Variants in DHX40 observed in about 807,000 individuals in gnomAD.
The protein encoded by DHX40 is probable ATP-dependent RNA helicase DHX40.
A neutral mutation model predicts 89.6 loss-of-function variants in DHX40; 28 were observed. That is an observed-to-expected ratio of 0.31 (90% confidence interval 0.23 to 0.43). The LOEUF is 0.43. Among genes scored for constraint, DHX40 ranks in the 20% least tolerant of loss-of-function variants. The pLI is 1.00. For synonymous variants in DHX40, 226 were observed against 283.6 expected (o/e 0.80, Z 2.04); for missense variants, 457 against 844.0 (o/e 0.54, Z 5.68).
intron 15 of DHX40, 23 bp downstream of exon 15, chr17:59,602,639 A>G: frequency 6.4e-7 from 1 of 1,571,408 alleles, no homozygotes; most frequent in Non-Finnish European, 8.8e-7. Flanking sequence ...GACTTGAGAG[A>G]TGGATCAAGA....
chr17:59,566,808 G>C lies in DHX40; in HGVS notation c.280+14G>C. The C allele has an allele frequency of 6.4e-7, 1 of 1,554,026 alleles. No homozygotes were observed. Among genetic ancestry groups the C allele is most frequent in the Non-Finnish European group, 8.6e-7 (1 of 1,158,338 alleles). On this transcript the variant is annotated intron_variant, in intron 2 of 17. Transcript: ENST00000251241. Reference sequence around the variant, plus strand: ...TATATGAAGCAGGTGATTTTTTTCTGTTGTAATAATTGGAAATATTTTAAA... The same window carrying C: ...TATATGAAGCAGGTGATTTTTTTCTCTTGTAATAATTGGAAATATTTTAAA...
At chr17:59,575,313 G>T in intron 6 of DHX40, 27 bp from the exon 7 acceptor site, 2 of 1,514,976 alleles carry the variant, frequency 1.3e-6, no homozygotes, top group South Asian at 1.3e-5. Context: ...TTCAGTTGCT[G>T]AAGTTATTTT....
chr17:59,602,849 C>T lies in DHX40; in HGVS notation c.1901+233C>T, dbSNP rs555692562. 1.8e-4 allele frequency among the ~76,000 whole-genome samples: 28 copies of T among 152,232 alleles called. 1 individual carries two copies. In the East Asian group the frequency reaches 5.4e-3, roughly 29 times the overall value. ...GTATGTTTGTAGGGTGGCTGTCCAGCATGGGTTATCTTCACTTAAGGCAAG... is the reference window on the plus strand; with the variant it reads ...GTATGTTTGTAGGGTGGCTGTCCAGTATGGGTTATCTTCACTTAAGGCAAG... On this transcript the variant is annotated intron_variant, in intron 15 of 17. Transcript: ENST00000251241.
intron 3 of DHX40, among the ~76,000 whole-genome samples, 197 bp downstream of exon 3, chr17:59,570,860 T>C (rs1359666605): frequency 1.3e-5 from 2 of 152,152 alleles, no homozygotes; most frequent in Non-Finnish European, 2.9e-5. Flanking sequence ...TGTTATAAAC[T>C]TAACAGAAAG....
intron 12 of DHX40, among the ~76,000 whole-genome samples, chr17:59,588,705 A>G (rs1439004180): frequency 2.6e-5 from 4 of 151,838 alleles, no homozygotes; most frequent in Non-Finnish European, 5.9e-5. Context: ...TTTTGTAAAT[A>G]TTTTCTCCCA....
At chr17:59,571,898 C>T (rs2048814976) in intron 3 of DHX40, among the ~76,000 whole-genome samples, 1 of 152,108 alleles carries the variant, frequency 6.6e-6, no homozygotes, top group African/African-American at 2.4e-5. Context: ...TCTGTCTCTA[C>T]AAATTTGCCT....
Position 59,587,945 on chromosome 17 carries a change from C to T in DHX40, c.1474C>T (p.Pro492Ser). Residue 492 changes from proline (P) to serine (S), a missense_variant, in exon 12 of 18, where the codon CCT becomes TCT. Pro to Ser is a moderately conservative substitution (Grantham distance 74). This residue lies in a region of DHX40 where 19 missense variants were observed against 110.3 expected (regional missense o/e 0.17). Transcript: ENST00000251241. The part of the protein sequence containing the change: ...LGLSMVEFPL[P>S]PHLTCAVIKA... ...TTTGTCTATGGTGGAGTTTCCTTTG[C>T]CTCCACATCTGACATGTGCAGTAAT... is the stretch of plus-strand genomic sequence containing the variant. The T allele has an allele frequency of 3.7e-6, 6 of 1,613,718 alleles. No homozygotes were observed. Among genetic ancestry groups the T allele is most frequent in the Non-Finnish European group, 4.2e-6 (5 of 1,179,796 alleles).
At chr17:59,567,945 A>AT (rs1224735651) in intron 2 of DHX40, among the ~76,000 whole-genome samples, 6 of 150,630 alleles carry the variant, frequency 4.0e-5, no homozygotes, top group African/African-American at 7.3e-5. Flanking sequence ...AAAAAAAAAA[A>AT]TTTTTTAGGC....
intron 14 of DHX40, among the ~76,000 whole-genome samples, chr17:59,600,825 C>G (rs1598176959): frequency 2.0e-5 from 3 of 148,510 alleles, no homozygotes; most frequent in Non-Finnish European, 3.0e-5. Flanking sequence ...GCCTGGGCAA[C>G]AGAGCAGCAG....
chr17:59,569,060 G>A (rs2048749305), intron 2 of DHX40, among the ~76,000 whole-genome samples: 1 of 152,048 alleles, frequency 6.6e-6, no homozygotes, highest in Admixed American at 6.6e-5. Flanking sequence ...TGGGTGCAGT[G>A]GCTCATGCCT....
intron 7 of DHX40, among the ~76,000 whole-genome samples, chr17:59,576,662 T>A (rs1302580375): frequency 1.3e-5 from 2 of 152,204 alleles, no homozygotes; most frequent in Non-Finnish European, 2.9e-5. Flanking sequence ...GATCATTGTT[T>A]AAGGTTCTCA....
At chr17:59,586,912 G>C (rs2049006217) in intron 11 of DHX40, among the ~76,000 whole-genome samples, 1 of 152,010 alleles carries the variant, frequency 6.6e-6, no homozygotes, top group African/African-American at 2.4e-5. Flanking sequence ...CCAGCACTTT[G>C]GGAGGCCAAG....
At chr17:59,588,828 G>T (rs906083445) in intron 12 of DHX40, among the ~76,000 whole-genome samples, 20 of 151,988 alleles carry the variant, frequency 1.3e-4, no homozygotes, top group Non-Finnish European at 2.4e-4. Flanking sequence ...TGTCTTTATT[G>T]TTGTATCTAA....
At chr17:59,591,681 A>G (rs1456113274) in intron 12 of DHX40, among the ~76,000 whole-genome samples, 1 of 151,330 alleles carries the variant, frequency 6.6e-6, no homozygotes, top group East Asian at 1.9e-4. Context: ...TTAACATTTT[A>G]CCCCCTTTGC....
In DHX40 at chr17:59,607,155, C is replaced by G; in HGVS notation, c.2323C>G (p.Arg775Gly). 1.2e-6 allele frequency: 2 copies of G among 1,614,068 alleles called. No individual in the cohort carries two copies. Among genetic ancestry groups the G allele is most frequent in the Non-Finnish European group, 1.7e-6 (2 of 1,180,002 alleles). ...GAGGACCCAGGACCACAGTGACACACGAAAGGAAACAGGCTAAGGTGGTGA... is the reference window on the plus strand; with the variant it reads ...GAGGACCCAGGACCACAGTGACACAGGAAAGGAAACAGGCTAAGGTGGTGA... The part of the protein sequence containing the change: ...QQRTQDHSDT[R>G]KETG The change falls in exon 18 of 18, where the codon CGA becomes GGA. Residue 775 changes from arginine to glycine, a missense_variant. By Grantham distance (125) the Arg-to-Gly change is moderately radical. Coordinates refer to ENST00000251241, the MANE Select transcript of DHX40 (RefSeq NM_024612.5).
chr17:59,602,147 A>C (rs1042803645), intron 14 of DHX40, among the ~76,000 whole-genome samples: 1 of 152,006 alleles, frequency 6.6e-6, no homozygotes, highest in African/African-American at 2.4e-5. Context: ...TGTCCTGTGA[A>C]TTCTAGCCAC....
Position 59,574,383 on chromosome 17 carries a change from T to C in DHX40, c.841+129T>C, listed in dbSNP as rs1598143751. 21 of 408,332 alleles carry C rather than the reference T, an allele frequency of 5.1e-5. No individual in the cohort carries two copies. The East Asian group carries it at 1.1e-3, about 21-fold the overall frequency. 25.3% of individuals were successfully genotyped at this position (408,332 alleles called of 1,614,324 possible). Reference sequence around the variant, plus strand: ...GTGTTGCCCTAGCTTTTTCTGATTATCTGAATAATTTTAGGTAAAAGATAG... The same window carrying C: ...GTGTTGCCCTAGCTTTTTCTGATTACCTGAATAATTTTAGGTAAAAGATAG... On this transcript the variant is annotated intron_variant, in intron 6 of 17. Coordinates refer to ENST00000251241, the MANE Select transcript of DHX40 (RefSeq NM_024612.5).
chr17:59,586,780 G>T (rs1273948537), intron 11 of DHX40, among the ~76,000 whole-genome samples: 1 of 152,054 alleles, frequency 6.6e-6, no homozygotes, highest in East Asian at 1.9e-4. Flanking sequence ...CATTATGCTG[G>T]ATACATAAAA....
intron 4 of DHX40, among the ~76,000 whole-genome samples, 172 bp from the exon 5 acceptor site, chr17:59,573,568 C>T (rs970946211): frequency 5.3e-5 from 8 of 152,128 alleles, no homozygotes; most frequent in East Asian, 1.9e-4. Flanking sequence ...TCCTGGCCTC[C>T]GACCTTGGCC....
Sources: gnomAD v4.1 joint callset for allele counts (sites outside exome capture counted in the v4.1 genomes callset) on GRCh38, gnomAD v4.1.1 for gene constraint, gnomAD v4.1.1 regional missense constraint, MANE v1.5 for transcripts, NCBI Gene and HGNC (gene_info 2026-07-23, HGNC 2026-07-21) for gene names.